DHRSX: variants seen among roughly 807,000 people sequenced by gnomAD.
DHRSX encodes the protein polyprenol dehydrogenase.
In DHRSX, 31 loss-of-function variants were observed where a neutral mutation model predicts 34.0. That is an observed-to-expected ratio of 0.91 (90% CI 0.69 to 1.23). The LOEUF (loss-of-function observed/expected upper bound fraction) is 1.23, where lower values mean the gene tolerates loss of function less well. Ranked by LOEUF, DHRSX falls within the 50% of genes most tolerant of loss-of-function variation. The pLI, the probability that DHRSX is intolerant of heterozygous loss-of-function variation, is 0.00. For synonymous variants in DHRSX, 201 were observed against 183.8 expected (o/e 1.09, Z -0.76); for missense variants, 414 against 428.1 (o/e 0.97, Z 0.29).
chrX:2,305,536 C>T (rs189520407), intron 3 of DHRSX, among the ~76,000 whole-genome samples: 3 of 152,196 alleles, frequency 2.0e-5, no homozygotes, highest in Admixed American at 2.0e-4. Context: ...AAGACACATG[C>T]ACATGTGTGT....
chrX:2,387,904 CAAAAAAA>C (rs557047764), intron 3 of DHRSX, among the ~76,000 whole-genome samples: 1 of 73,934 alleles, frequency 1.4e-5, no homozygotes, highest in South Asian at 5.6e-4. Context: ...CCCTCCCCTG[CAAAAAAA>C]AAAAAAAAAA....
At chrX:2,478,891 C>T (rs746943270) in intron 1 of DHRSX, among the ~76,000 whole-genome samples, 1 of 152,022 alleles carries the variant, frequency 6.6e-6, no homozygotes, top group South Asian at 2.1e-4. Flanking sequence ...AAGACGTTCC[C>T]TAAGTATGTG....
intron 3 of DHRSX, among the ~76,000 whole-genome samples, chrX:2,386,126 G>C (rs960366344): frequency 6.6e-6 from 1 of 151,764 alleles, no homozygotes; most frequent in Non-Finnish European, 1.5e-5. Context: ...GATTGTCCTT[G>C]ATGGTTTGGA....
At chrX:2,354,027 C>G (rs1382293788) in intron 3 of DHRSX, among the ~76,000 whole-genome samples, 1 of 152,108 alleles carries the variant, frequency 6.6e-6, no homozygotes, top group Non-Finnish European at 1.5e-5. Flanking sequence ...TACATGACTC[C>G]AGCAAGACTA....
At chrX:2,469,866 G>C (rs904417976) in intron 1 of DHRSX, among the ~76,000 whole-genome samples, 2 of 152,180 alleles carry the variant, frequency 1.3e-5, no homozygotes, top group African/African-American at 2.4e-5. Context: ...TCAGAGGAAA[G>C]AATGGTGTGC....
Position 2,297,839 on chromosome X carries a change from C to A in DHRSX, c.287-6236G>T, listed in dbSNP as rs2041953050. ...GACAGATCTTGGCTGACTGCAACCT[C>A]CACTTCCCGAGTTCAAGTGATCCTC... is the stretch of plus-strand genomic sequence containing the variant. On this transcript the variant is annotated intron_variant, in intron 3 of 6. Transcript: ENST00000334651. Among the ~76,000 whole-genome samples, 7 of 151,428 alleles carry A rather than the reference C, an allele frequency of 4.6e-5. No homozygotes were observed. The Admixed American group carries it at 4.6e-4, about 10-fold the overall frequency.
chrX:2,327,452 G>A (rs1356360144), intron 3 of DHRSX, among the ~76,000 whole-genome samples: 3 of 152,212 alleles, frequency 2.0e-5, no homozygotes, highest in East Asian at 1.9e-4. Flanking sequence ...CCTGTGTGCT[G>A]CAGGTGAGCA....
At chrX:2,291,794 G>A (rs2041869114) in intron 3 of DHRSX, among the ~76,000 whole-genome samples, 191 bp from the exon 4 acceptor site, 1 of 151,792 alleles carries the variant, frequency 6.6e-6, no homozygotes, top group African/African-American at 2.4e-5. Context: ...GCTCACTGCA[G>A]CCTCTGCTTC....
chrX:2,378,942 G>T (rs1466164082), intron 3 of DHRSX, among the ~76,000 whole-genome samples: 1 of 152,106 alleles, frequency 6.6e-6, no homozygotes, highest in Non-Finnish European at 1.5e-5. Context: ...AAAGTGTTAG[G>T]ATTACAGGCG....
At chrX:2,371,549 GTTACCATAGTCCCTCCTTCCA>G (rs1233944875) in intron 3 of DHRSX, among the ~76,000 whole-genome samples, 8 of 62,276 alleles carry the variant, frequency 1.3e-4, no homozygotes, top group Non-Finnish European at 3.2e-4. Context: ...CCGTCCTTCT[GTTACCATAGTCCCTCCTTCCA>G]TTACCATAGT....
intron 1 of DHRSX, among the ~76,000 whole-genome samples, chrX:2,438,654 C>G (rs2044026238): frequency 7.7e-6 from 1 of 130,694 alleles, no homozygotes; most frequent in Non-Finnish European, 1.6e-5. Context: ...GGGGACAGAG[C>G]AAGACTCCAT....
At chrX:2,441,189 A>ACATC (rs2044058180) in intron 1 of DHRSX, among the ~76,000 whole-genome samples, 1 of 152,170 alleles carries the variant, frequency 6.6e-6, no homozygotes, top group Non-Finnish European at 1.5e-5. Context: ...ACCAACAAAG[A>ACATC]CATCCAAGGA....
At chrX:2,463,424 G>A (rs2044430701) in intron 1 of DHRSX, among the ~76,000 whole-genome samples, 1 of 151,976 alleles carries the variant, frequency 6.6e-6, no homozygotes. Flanking sequence ...CACCTTCTAA[G>A]GTTGCTCTCC....
chrX:2,243,483 T>TTAG (rs2016193260), intron 5 of DHRSX, among the ~76,000 whole-genome samples: 5 of 151,892 alleles, frequency 3.3e-5, no homozygotes, highest in Non-Finnish European at 5.9e-5. Context: ...TAATTTTTTA[T>TTAG]TTATTTATTT....
At chrX:2,243,811 T>TTTTG (rs1569478910) in intron 5 of DHRSX, among the ~76,000 whole-genome samples, 3 of 124,884 alleles carry the variant, frequency 2.4e-5, no homozygotes, top group Admixed American at 8.2e-5. Context: ...TTTTTTTTTT[T>TTTTG]TTTTTTTTTT....
At chrX:2,293,993 C>G (rs2041898227) in intron 3 of DHRSX, among the ~76,000 whole-genome samples, 1 of 150,854 alleles carries the variant, frequency 6.6e-6, no homozygotes, top group African/African-American at 2.4e-5. Context: ...CACTCACCAT[C>G]AGAGAGAGAG....
In DHRSX at chrX:2,497,371, A is replaced by C. The variant is rs563509160; in HGVS notation, c.109+3446T>G. Reference sequence around the variant, plus strand: ...TCACGCCATTGCACTCCAGCCTGGGAAACAAAAGCGAAACTTGGTCTCAAG... The same window carrying C: ...TCACGCCATTGCACTCCAGCCTGGGCAACAAAAGCGAAACTTGGTCTCAAG... On this transcript the variant is annotated intron_variant, in intron 1 of 6. Coordinates refer to ENST00000334651, the MANE Select transcript of DHRSX (RefSeq NM_145177.3). Among the ~76,000 whole-genome samples, 4 of 152,314 alleles carry C rather than the reference A, an allele frequency of 2.6e-5. 1 individual carries two copies. Among genetic ancestry groups the C allele is most frequent in the African/African-American group, 7.2e-5 (3 of 41,570 alleles).
intron 3 of DHRSX, among the ~76,000 whole-genome samples, chrX:2,293,004 G>A (rs987119897): frequency 1.2e-4 from 19 of 152,140 alleles, no homozygotes; most frequent in Middle Eastern, 3.4e-3. Context: ...GGCTGGTCTC[G>A]AACTCCTAAG....
chrX:2,246,706 GAGAAAGAA>G (rs997986324), intron 5 of DHRSX, among the ~76,000 whole-genome samples: 163 of 107,506 alleles, frequency 1.5e-3, no homozygotes, highest in Middle Eastern at 4.3e-3. Flanking sequence ...AAGAAAGAAA[GAGAAAGAA>G]AGAAAGAAAG....
Sources: allele counts gnomAD v4.1 joint callset (sites outside exome capture counted in the v4.1 genomes callset), GRCh38; gene constraint gnomAD v4.1.1; transcripts MANE v1.5; gene names NCBI Gene and HGNC (gene_info 2026-07-23, HGNC 2026-07-21).